ESRRG: variants seen among roughly 807,000 people sequenced by gnomAD.
ESRRG encodes estrogen-related receptor gamma.
In ESRRG, 13 loss-of-function variants were observed where a neutral mutation model predicts 44.0. The ratio of observed to expected loss-of-function variants is 0.30; its 90% CI spans 0.19 to 0.47. The LOEUF is 0.47. ESRRG is among the 20% of genes least tolerant of loss of function. The pLI, the probability that ESRRG is intolerant of heterozygous loss-of-function variation, is 1.00. For synonymous variants in ESRRG, 215 were observed against 214.6 expected, an observed-to-expected ratio of 1.00 and a Z score of -0.02; for missense variants, 395 against 580.6, an observed-to-expected ratio of 0.68 and a Z score of 3.29.
chr1:217,029,833 C>T (rs1353777356), intron 1 of ESRRG, among the ~76,000 whole-genome samples: 1 of 152,172 alleles, frequency 6.6e-6, no homozygotes, highest in African/African-American at 2.4e-5. Flanking sequence ...AATAAAAACG[C>T]AGCTGACCAA....
At chr1:217,132,271 A>G (rs1416654281) in intron 1 of ESRRG, among the ~76,000 whole-genome samples, 3 of 152,210 alleles carry the variant, frequency 2.0e-5, no homozygotes, top group Non-Finnish European at 4.4e-5. Context: ...CTGGGATTAC[A>G]GGTGTGTGAC....
chr1:216,977,156 T>C (rs778133090), intron 1 of ESRRG, among the ~76,000 whole-genome samples: 2 of 152,174 alleles, frequency 1.3e-5, no homozygotes, highest in African/African-American at 2.4e-5. Flanking sequence ...TGCTCAATTA[T>C]TGGCTTAAAA....
At chr1:216,726,543 TAAAC>T (rs747881788), upstream of ESRRG, among the ~76,000 whole-genome samples, 125 of 151,842 alleles carry the variant, frequency 8.2e-4, no homozygotes, top group African/African-American at 2.7e-3. Context: ...GAAAAACAAA[TAAAC>T]AAACAAACAG....
chr1:216,523,621 C>A (rs1572230286), intron 5 of ESRRG, among the ~76,000 whole-genome samples: 1 of 151,614 alleles, frequency 6.6e-6, no homozygotes, highest in Non-Finnish European at 1.5e-5. Context: ...CAAAAATACA[C>A]TTTCATTTCA....
At position 216,619,642 on chromosome 1, in the gene ESRRG, G is replaced by A. The variant is rs142957755; in HGVS notation, c.589+31331C>T. On this transcript the variant is annotated intron_variant, in intron 3 of 6. Coordinates refer to ENST00000408911, the MANE Select transcript of ESRRG (RefSeq NM_001438.4). ...AGTGACAGGAGACAAAAGACCACAA[G>A]TAATATATGGGTCCTTTTCCTGAAG... is the stretch of plus-strand genomic sequence containing the variant. 9.1e-4 allele frequency among the ~76,000 whole-genome samples: 138 copies of A among 152,282 alleles called. 1 individual carries two copies. Among genetic ancestry groups the A allele is most frequent in the African/African-American group, 3.1e-3 (129 of 41,560 alleles).
chr1:216,988,209 T>G (rs1369149464), intron 1 of ESRRG, among the ~76,000 whole-genome samples: 2 of 152,184 alleles, frequency 1.3e-5, no homozygotes, highest in African/African-American at 4.8e-5. Flanking sequence ...ATTACTTTAC[T>G]TATTATCATC....
chr1:216,795,196 A>T (rs903558577), intron 2 of ESRRG, among the ~76,000 whole-genome samples: 27 of 151,952 alleles, frequency 1.8e-4, no homozygotes, highest in African/African-American at 6.5e-4. Context: ...TAAAGACTAA[A>T]CCTTAAACTA....
intron 1 of ESRRG, among the ~76,000 whole-genome samples, chr1:216,701,810 T>C (rs1308046666): frequency 6.6e-6 from 1 of 152,222 alleles, no homozygotes; most frequent in African/African-American, 2.4e-5. Flanking sequence ...GCAACATGGA[T>C]GCTACTATTT....
intron 3 of ESRRG, among the ~76,000 whole-genome samples, chr1:216,630,024 GA>G (rs1215845208): frequency 3.3e-5 from 5 of 152,108 alleles, no homozygotes; most frequent in Non-Finnish European, 7.4e-5. Flanking sequence ...CCACGAAAAT[GA>G]AAACTTTTGA....
intron 3 of ESRRG, among the ~76,000 whole-genome samples, chr1:216,591,356 G>C (rs12080492): frequency 0.045 from 6,877 of 152,306 alleles, 238 homozygotes; most frequent in African/African-American, 0.1. Context: ...GTGCCAGAGA[G>C]AGCATGGAAG....
At chr1:217,027,009 G>A (rs1215682603) in intron 1 of ESRRG, among the ~76,000 whole-genome samples, 1 of 151,644 alleles carries the variant, frequency 6.6e-6, no homozygotes, top group African/African-American at 2.4e-5. Flanking sequence ...GACTATGTAA[G>A]ACTCCTTTTC....
At chr1:216,534,299 G>C (rs2050255013) in intron 5 of ESRRG, among the ~76,000 whole-genome samples, 1 of 152,104 alleles carries the variant, frequency 6.6e-6, no homozygotes, top group Non-Finnish European at 1.5e-5. Context: ...AGGAAAGGGT[G>C]TCCATGAGCA....
chr1:216,860,393 T>C (rs1236949739), intron 2 of ESRRG, among the ~76,000 whole-genome samples: 1 of 152,112 alleles, frequency 6.6e-6, no homozygotes, highest in Non-Finnish European at 1.5e-5. Flanking sequence ...GCCTACAGAT[T>C]AGTGAAGCTC....
rs541089875 is a variant in ESRRG at position 216,505,297 on chromosome 1, C to A, written c.*1642G>T. The A allele has an allele frequency of 9.8e-5, 15 of 152,706 alleles. No individual in the cohort carries two copies. The highest frequency in any genetic ancestry group is 3.4e-4 in the African/African-American group (14 of 41,568). The allele number at this position is 152,706 out of a possible 1,614,324, so 9.5% of individuals were successfully genotyped here. On this transcript the variant is annotated 3_prime_UTR_variant, in exon 7 of 7. Coordinates refer to ENST00000408911, the MANE Select transcript of ESRRG (RefSeq NM_001438.4). ...CACCTCTTAACAGTCTGGAACCTGACTTGACTTTCATGCTGTGACAATACT... is the reference window on the plus strand; with the variant it reads ...CACCTCTTAACAGTCTGGAACCTGAATTGACTTTCATGCTGTGACAATACT...
chr1:216,875,883 G>A (rs773447778), intron 2 of ESRRG, among the ~76,000 whole-genome samples: 5 of 152,222 alleles, frequency 3.3e-5, no homozygotes, highest in South Asian at 2.1e-4. Flanking sequence ...GCAGATATGA[G>A]CGTTCCAGTT....
intron 1 of ESRRG, among the ~76,000 whole-genome samples, chr1:216,986,248 A>T (rs1030191283): frequency 1.3e-5 from 2 of 152,222 alleles, no homozygotes; most frequent in Non-Finnish European, 1.5e-5. Context: ...TAGGTGGCTC[A>T]CAATCACATA....
chr1:216,513,432 C>T (rs1183798578), intron 6 of ESRRG, among the ~76,000 whole-genome samples: 2 of 152,142 alleles, frequency 1.3e-5, no homozygotes, highest in African/African-American at 2.4e-5. Flanking sequence ...TCTGATTTTT[C>T]TGCTTAACCA....
At chr1:216,569,201 G>GGAAAT (rs2060308740) in intron 3 of ESRRG, among the ~76,000 whole-genome samples, 3 of 105,588 alleles carry the variant, frequency 2.8e-5, no homozygotes, top group Non-Finnish European at 3.9e-5. Flanking sequence ...GGAAAGGAAA[G>GGAAAT]GAAAGGAAAG....
intron 1 of ESRRG, among the ~76,000 whole-genome samples, chr1:217,077,723 G>A (rs2151495083): frequency 6.6e-6 from 1 of 152,296 alleles, no homozygotes; most frequent in Middle Eastern, 3.4e-3. Flanking sequence ...AAACTAATAT[G>A]TTTTGAGAGC....
Sources: allele counts gnomAD v4.1 joint callset (sites outside exome capture counted in the v4.1 genomes callset), GRCh38; gene constraint gnomAD v4.1.1; transcripts MANE v1.5; gene names NCBI Gene and HGNC (gene_info 2026-07-23, HGNC 2026-07-21).